The following MARCHF1 variants were observed in gnomAD, a reference collection of about 807,000 sequenced individuals.
The protein encoded by MARCHF1 is membrane associated ring-CH-type finger 1.
Under a neutral mutation model 54.2 loss-of-function variants are expected in MARCHF1, and 40 were observed. The ratio of observed to expected loss-of-function variants is 0.74; its 90% CI spans 0.57 to 0.96. The LOEUF is 0.96. Ranked by LOEUF, MARCHF1 falls within the 40% of genes least tolerant of loss-of-function variation. The probability of loss-of-function intolerance (pLI) is 0.00; values close to 1 mark genes in which losing one functional copy is unlikely to be tolerated. For synonymous variants in MARCHF1, 236 were observed against 236.3 expected, an observed-to-expected ratio of 1.00 and a Z score of 0.01; for missense variants, 586 against 656.5, an observed-to-expected ratio of 0.89 and a Z score of 1.17.
At chr4:163,736,482 T>A (rs913066481) in intron 4 of MARCHF1, among the ~76,000 whole-genome samples, 4 of 149,184 alleles carry the variant, frequency 2.7e-5, no homozygotes, top group Non-Finnish European at 5.9e-5. Flanking sequence ...CCATTTAATA[T>A]TTTTGGATCT....
At chr4:163,704,789 G>A (rs977734636) in intron 4 of MARCHF1, among the ~76,000 whole-genome samples, 26 of 151,464 alleles carry the variant, frequency 1.7e-4, no homozygotes, top group African/African-American at 5.8e-4. Flanking sequence ...ACACAAGAAC[G>A]TAATAAAAGA....
chr4:164,119,579 A>G (rs1756020180), intron 1 of MARCHF1, among the ~76,000 whole-genome samples: 1 of 151,690 alleles, frequency 6.6e-6, no homozygotes, highest in African/African-American at 2.4e-5. Context: ...GTTTGGTGAC[A>G]ATTAATAAAA....
In MARCHF1 at chr4:163,986,545, G is replaced by T. The variant is rs898519052; in HGVS notation, c.-39+1956C>A. 5.9e-5 allele frequency among the ~76,000 whole-genome samples: 9 copies of T among 152,118 alleles called. No homozygotes were observed. In the South Asian group the frequency reaches 1.2e-3, roughly 21 times the overall value. ...CTCCCAAAGTGCTGGGATTACAGGC[G>T]TGAGCCACGGCACCCGGCCAACTTC... On this transcript the variant is annotated intron_variant, in intron 3 of 9. Transcript: ENST00000514618.
chr4:164,188,901 A>T (rs1429902379), intron 1 of MARCHF1: 1 of 773,344 alleles, frequency 1.3e-6, no homozygotes, highest in Admixed American at 1.7e-5. Context: ...TTACCAGCCT[A>T]TTTCAATGAT....
intron 4 of MARCHF1, among the ~76,000 whole-genome samples, chr4:163,773,733 C>T (rs1372814137): frequency 1.3e-5 from 2 of 152,156 alleles, no homozygotes; most frequent in African/African-American, 4.8e-5. Flanking sequence ...TAGGCCAAAA[C>T]TTCTAAGATA....
chr4:163,530,417 T>C (rs555792983), intron 9 of MARCHF1: 2 of 152,164 alleles, frequency 1.3e-5, no homozygotes, highest in East Asian at 3.9e-4. Flanking sequence ...TAATCTTCTT[T>C]ATATTTTTCT....
At chr4:163,787,729 A>G (rs957580502) in intron 4 of MARCHF1, among the ~76,000 whole-genome samples, 1 of 151,980 alleles carries the variant, frequency 6.6e-6, no homozygotes, top group Admixed American at 6.6e-5. Flanking sequence ...TTGCAGGTAT[A>G]CATCCAAAAT....
At chr4:163,983,340 A>G (rs1752798743) in intron 3 of MARCHF1, among the ~76,000 whole-genome samples, 1 of 152,178 alleles carries the variant, frequency 6.6e-6, no homozygotes, top group Non-Finnish European at 1.5e-5. Context: ...CCAGAATTCT[A>G]TTTCAAATAT....
At chr4:163,979,425 TG>T (rs1752716871) in intron 3 of MARCHF1, among the ~76,000 whole-genome samples, 1 of 146,558 alleles carries the variant, frequency 6.8e-6, no homozygotes, top group African/African-American at 2.5e-5. Flanking sequence ...CTATCATTGT[TG>T]GACATTTGGG....
chr4:164,149,930 T>C (rs1439175624), intron 1 of MARCHF1, among the ~76,000 whole-genome samples: 4 of 152,206 alleles, frequency 2.6e-5, no homozygotes, highest in African/African-American at 9.6e-5. Context: ...CTGGCCCACA[T>C]GAAAAGTAAT....
At chr4:164,172,094 C>A (rs1357259446) in intron 1 of MARCHF1, among the ~76,000 whole-genome samples, 1 of 152,152 alleles carries the variant, frequency 6.6e-6, no homozygotes, top group East Asian at 1.9e-4. Flanking sequence ...TCTATTTACC[C>A]ATCCTCAGAT....
chr4:164,344,616 T>C lies in MARCHF1; in HGVS notation c.-323+39254A>G, dbSNP rs574322730. On this transcript the variant is annotated intron_variant, in intron 1 of 9. Coordinates refer to ENST00000514618, the MANE Select transcript of MARCHF1 (RefSeq NM_001394959.1). ...TAGTTGGGTAAGTGAAACCAAGTGA[T>C]AAAAATTTAAATTTACTAAGGATCT... Among the ~76,000 whole-genome samples, 35 of 152,270 alleles carry C rather than the reference T, an allele frequency of 2.3e-4. No homozygotes were observed. In the South Asian group the frequency reaches 6.8e-3, roughly 30 times the overall value.
At chr4:164,344,251 A>G (rs963387813) in intron 1 of MARCHF1, among the ~76,000 whole-genome samples, 19 of 152,178 alleles carry the variant, frequency 1.2e-4, no homozygotes, top group African/African-American at 4.6e-4. Flanking sequence ...GAGGGAGAAG[A>G]TCGGAAAACA....
intron 1 of MARCHF1, among the ~76,000 whole-genome samples, chr4:164,211,678 T>C (rs183496253): frequency 6.6e-6 from 1 of 152,154 alleles, no homozygotes; most frequent in East Asian, 1.9e-4. Context: ...TGTTCTTATA[T>C]TGGCCTTATA....
intron 1 of MARCHF1, among the ~76,000 whole-genome samples, chr4:164,268,611 T>C (rs1357789226): frequency 6.6e-6 from 1 of 152,136 alleles, no homozygotes; most frequent in East Asian, 1.9e-4. Context: ...TTTTCTAATA[T>C]CTATTCACCA....
chr4:163,845,013 T>C (rs940524759), intron 4 of MARCHF1, among the ~76,000 whole-genome samples: 4 of 152,270 alleles, frequency 2.6e-5, no homozygotes, highest in Middle Eastern at 3.4e-3. Context: ...TGGGTTCCTG[T>C]TCCACCACTT....
intron 3 of MARCHF1, among the ~76,000 whole-genome samples, chr4:163,963,920 A>G (rs980867511): frequency 2.6e-5 from 4 of 151,964 alleles, no homozygotes; most frequent in African/African-American, 9.7e-5. Context: ...TCCCACTGCA[A>G]CAGTAAGAGA....
At chr4:164,259,737 G>C (rs1733411362) in intron 1 of MARCHF1, among the ~76,000 whole-genome samples, 1 of 152,098 alleles carries the variant, frequency 6.6e-6, no homozygotes, top group South Asian at 2.1e-4. Context: ...TGTGTCCCTT[G>C]AAATAGGTGT....
In MARCHF1 at chr4:163,744,579, A is replaced by G. The variant is rs372945352; in HGVS notation, c.112-43716T>C. 6.2e-4 allele frequency among the ~76,000 whole-genome samples: 95 copies of G among 152,364 alleles called. No individual in the cohort carries two copies. The South Asian group carries it at 0.018, about 30-fold the overall frequency. On this transcript the variant is annotated intron_variant, in intron 4 of 9. Coordinates refer to ENST00000514618, the MANE Select transcript of MARCHF1 (RefSeq NM_001394959.1). ...AATAGTGTGTAAGTGTCAAATAAAT[A>G]TAAGTGTCCAGAATAATACCTGTCA...
Sources: gnomAD v4.1 joint callset for allele counts (sites outside exome capture counted in the v4.1 genomes callset) on GRCh38, gnomAD v4.1.1 for gene constraint, MANE v1.5 for transcripts, NCBI Gene and HGNC (gene_info 2026-07-23, HGNC 2026-07-21) for gene names.